Variants in GALNT10 observed in about 807,000 individuals in gnomAD.
GALNT10 encodes the protein polypeptide N-acetylgalactosaminyltransferase 10.
A neutral mutation model predicts 75.0 loss-of-function variants in GALNT10; 41 were observed. The observed-to-expected ratio is 0.55, with a 90% confidence interval of 0.43 to 0.71. GALNT10 has a LOEUF of 0.71. GALNT10 is among the 30% of genes least tolerant of loss of function. The pLI, the probability that GALNT10 is intolerant of heterozygous loss-of-function variation, is 0.00. For missense variants in GALNT10, 727 were observed against 818.5 expected, an observed-to-expected ratio of 0.89 and a Z score of 1.36; for synonymous variants, 302 against 313.0, an observed-to-expected ratio of 0.96 and a Z score of 0.37.
At chr5:154,277,314 A>G (rs1581952016) in intron 1 of GALNT10, among the ~76,000 whole-genome samples, 1 of 151,760 alleles carries the variant, frequency 6.6e-6, no homozygotes, top group Non-Finnish European at 1.5e-5. Flanking sequence ...GTTTGTTCTC[A>G]TAGAGGAGGA....
At chr5:154,357,796 A>C (rs2113151604) in intron 4 of GALNT10, among the ~76,000 whole-genome samples, 1 of 151,704 alleles carries the variant, frequency 6.6e-6, no homozygotes, top group Non-Finnish European at 1.5e-5. Flanking sequence ...AGGACTCCCA[A>C]CCCTCCAACC....
intron 1 of GALNT10, chr5:154,219,969 A>G (rs1422735310): frequency 6.6e-6 from 1 of 152,168 alleles, no homozygotes; most frequent in African/African-American, 2.4e-5. Flanking sequence ...CATGGTAGGC[A>G]TAGGAGAATT....
intron 1 of GALNT10, among the ~76,000 whole-genome samples, chr5:154,279,296 G>GTTTTTTTTTTTTTTTTTTTTT (rs111488218): frequency 1.2e-5 from 1 of 83,846 alleles, no homozygotes. Flanking sequence ...TGTTGTTGTT[G>GTTTTTTTTTTTTTTTTTTTTT]TTGTTTTGTT....
At chr5:154,211,957 T>C (rs1775204662) in intron 1 of GALNT10, among the ~76,000 whole-genome samples, 1 of 152,158 alleles carries the variant, frequency 6.6e-6, no homozygotes. Context: ...CTATTAGAAG[T>C]GAGTCATGAA....
chr5:154,303,730 T>C (rs1754392363), intron 3 of GALNT10, among the ~76,000 whole-genome samples: 1 of 152,196 alleles, frequency 6.6e-6, no homozygotes, highest in Admixed American at 6.5e-5. Flanking sequence ...TGTTTCCAAA[T>C]ATATAATGCA....
At chr5:154,415,219 T>C (rs59969675) in intron 10 of GALNT10, among the ~76,000 whole-genome samples, 12,574 of 152,314 alleles carry the variant, frequency 0.083, 759 homozygotes, top group East Asian at 0.26. Flanking sequence ...GATGTTATAA[T>C]GGCACTTACT....
intron 1 of GALNT10, among the ~76,000 whole-genome samples, chr5:154,267,387 T>C (rs1753795658): frequency 6.6e-6 from 1 of 152,188 alleles, no homozygotes; most frequent in Non-Finnish European, 1.5e-5. Context: ...TTGAATTGAA[T>C]TCGGTGATCT....
intron 1 of GALNT10, among the ~76,000 whole-genome samples, chr5:154,287,080 C>CAA (rs1754122354): frequency 6.6e-6 from 1 of 152,164 alleles, no homozygotes; most frequent in South Asian, 2.1e-4. Flanking sequence ...TGAATGAAAA[C>CAA]AAAATCATCT....
intron 3 of GALNT10, among the ~76,000 whole-genome samples, chr5:154,314,578 T>C (rs1458320276): frequency 6.6e-6 from 1 of 152,076 alleles, no homozygotes; most frequent in East Asian, 1.9e-4. Context: ...TAGTTGGCTT[T>C]CTGCCTTGGT....
At chr5:154,366,320 A>T (rs1271842701) in intron 4 of GALNT10, among the ~76,000 whole-genome samples, 1 of 152,200 alleles carries the variant, frequency 6.6e-6, no homozygotes, top group East Asian at 1.9e-4. Flanking sequence ...ACTACATATT[A>T]ATTTTATTTT....
intron 1 of GALNT10, among the ~76,000 whole-genome samples, chr5:154,192,462 C>T (rs1774872449): frequency 6.6e-6 from 1 of 152,226 alleles, no homozygotes; most frequent in African/African-American, 2.4e-5. Context: ...TTCCTCTGTT[C>T]CTATTCAGTA....
chr5:154,301,369 T>C (rs1161414243), intron 3 of GALNT10, among the ~76,000 whole-genome samples: 2 of 152,094 alleles, frequency 1.3e-5, no homozygotes, highest in African/African-American at 4.8e-5. Flanking sequence ...ACTGATCTTT[T>C]TTTTTCTAGA....
intron 3 of GALNT10, 53 bp from the exon 4 acceptor site, chr5:154,329,519 T>A: frequency 6.8e-7 from 1 of 1,470,230 alleles, no homozygotes; most frequent in Non-Finnish European, 9.5e-7. Flanking sequence ...TGAGTTCTCT[T>A]GGCAGGAGGA....
intron 3 of GALNT10, among the ~76,000 whole-genome samples, chr5:154,315,435 T>C (rs1754582326): frequency 6.6e-6 from 1 of 152,266 alleles, no homozygotes; most frequent in African/African-American, 2.4e-5. Flanking sequence ...GGTTCTCTTA[T>C]GATCTCCTCA....
chr5:154,345,698 A>G (rs1260071210), intron 4 of GALNT10, among the ~76,000 whole-genome samples: 1 of 138,688 alleles, frequency 7.2e-6, no homozygotes, highest in African/African-American at 2.8e-5. Flanking sequence ...GCAGTGCCCC[A>G]GTCATGGCTC....
intron 1 of GALNT10, among the ~76,000 whole-genome samples, chr5:154,207,976 C>A (rs1373135749): frequency 6.6e-6 from 1 of 152,024 alleles, no homozygotes; most frequent in Non-Finnish European, 1.5e-5. Context: ...TGTTGTCAAC[C>A]ACTGTCAGAT....
intron 3 of GALNT10, among the ~76,000 whole-genome samples, chr5:154,313,191 T>G (rs1241282893): frequency 6.6e-6 from 1 of 151,840 alleles, no homozygotes; most frequent in Non-Finnish European, 1.5e-5. Flanking sequence ...TGCCTCATAG[T>G]CCCAGCTACT....
intron 3 of GALNT10, among the ~76,000 whole-genome samples, chr5:154,300,611 A>G (rs944034916): frequency 6.6e-6 from 1 of 152,166 alleles, no homozygotes; most frequent in Non-Finnish European, 1.5e-5. Flanking sequence ...CCATTCTTTC[A>G]TCTATTCATA....
intron 1 of GALNT10, among the ~76,000 whole-genome samples, chr5:154,226,529 T>C (rs1312901874): frequency 6.6e-6 from 1 of 152,230 alleles, no homozygotes; most frequent in African/African-American, 2.4e-5. Flanking sequence ...TGGTTTCCAT[T>C]ATAGCTGCTG....
Sources: gnomAD v4.1 joint callset for allele counts (sites outside exome capture counted in the v4.1 genomes callset) on GRCh38, gnomAD v4.1.1 for gene constraint, MANE v1.5 for transcripts, NCBI Gene and HGNC (gene_info 2026-07-23, HGNC 2026-07-21) for gene names.